The following ITGA4 variants were observed in gnomAD, a reference collection of about 807,000 sequenced individuals.
ITGA4 encodes integrin subunit alpha 4, also known as integrin alpha-4.
ITGA4 carries 63 observed loss-of-function variants against 133.6 expected under a neutral mutation model. The observed-to-expected ratio is 0.47, with a 90% CI of 0.38 to 0.58. The LOEUF is 0.58. Ranked by LOEUF, ITGA4 falls within the 20% of genes least tolerant of loss-of-function variation. The pLI is 0.00. For synonymous variants in ITGA4, 483 were observed against 438.0 expected (o/e 1.10, Z -1.28); for missense variants, 1,076 against 1,252.7 (o/e 0.86, Z 2.13).
intron 22 of ITGA4, chr2:181,527,589 C>G (rs1013546704): frequency 2.0e-6 from 1 of 491,180 alleles, no homozygotes; most frequent in Non-Finnish European, 3.7e-6. Context: ...GATATTCAAG[C>G]CCATATTTCC....
In ITGA4 at chr2:181,538,936, T is replaced by G. The variant is rs1421464481; in HGVS notation, c.*3409T>G. ...AAATGTAAAGTTGCTTTTTATTTAT[T>G]GAAATTTGTGCATGTCTCTTTATGC... is the stretch of plus-strand genomic sequence containing the variant. On this transcript the variant is annotated 3_prime_UTR_variant, in exon 28 of 28. Transcript: ENST00000397033. Among the ~76,000 whole-genome samples, 2 of 152,210 alleles carry G rather than the reference T, an allele frequency of 1.3e-5. No homozygotes were observed. The highest frequency in any genetic ancestry group is 2.9e-5 in the Non-Finnish European group (2 of 68,032).
chr2:181,485,832 G>C, intron 9 of ITGA4, 49 bp from the exon 10 acceptor site: 1 of 1,451,730 alleles, frequency 6.9e-7, no homozygotes, highest in African/African-American at 1.4e-5. Flanking sequence ...ATCGTGTAAA[G>C]TTGTCAGGGA....
Position 181,523,243 on chromosome 2 carries a change from C to T in ITGA4, c.2074-194C>T, listed in dbSNP as rs1686757740. On this transcript the variant is annotated intron_variant, in intron 18 of 27. Transcript: ENST00000397033. This position sits in a 1 kb window ranked among gnomAD's most constrained non-coding sequence, Gnocchi z 4.2. ...ACATATATACATACATATATATACA[C>T]ATACATATATACACACATGCACACA... 6.3e-6 allele frequency: 3 copies of T among 473,646 alleles called. No homozygotes were observed. The highest frequency in any genetic ancestry group is 1.2e-5 in the Non-Finnish European group (3 of 259,648). The allele number at this position is 473,646 out of a possible 1,614,324, so 29.3% of individuals were successfully genotyped here. A position where few individuals can be genotyped will look rare whatever the true frequency, so the allele number is the denominator to read the frequency against.
At position 181,457,684 on chromosome 2, in the gene ITGA4, C is replaced by A. The variant is rs1047297; in HGVS notation, c.30C>A (p.Gly10=). MAWEARREP[G]PRRAAVRETV... ...CTTGGGAAGCGAGGCGCGAACCCGG[C>A]CCCCGAAGGGCCGCCGTCCGGGAGA... is the stretch of plus-strand genomic sequence containing the variant. Residue 10 remains glycine, a synonymous_variant, in exon 1 of 28, where the codon GGC becomes GGA. Coordinates refer to ENST00000397033, the MANE Select transcript of ITGA4 (RefSeq NM_000885.6). The A allele has an allele frequency of 1.9e-6, 3 of 1,610,966 alleles. No individual in the cohort carries two copies. The highest frequency in any genetic ancestry group is 1.1e-5 in the South Asian group (1 of 90,730).
chr2:181,498,808 T>C lies in ITGA4; in HGVS notation c.1695+31T>C. 13 of 1,561,064 alleles carry C rather than the reference T, an allele frequency of 8.3e-6. 1 individual carries two copies. Among genetic ancestry groups the C allele is most frequent in the South Asian group, 2.5e-5 (2 of 81,568 alleles). ...GTAAGCTATTTTTTATTAATGAATA[T>C]GTGAACTTCAACGTTGTTGATAGAG... On this transcript the variant is annotated intron_variant, in intron 15 of 27. Transcript: ENST00000397033.
In ITGA4 at chr2:181,529,584, A is replaced by C. The variant is rs1686900016; in HGVS notation, c.2474A>C (p.Glu825Ala). 1.2e-6 allele frequency: 2 copies of C among 1,611,102 alleles called. No individual in the cohort carries two copies. Among genetic ancestry groups the C allele is most frequent in the Non-Finnish European group, 1.7e-6 (2 of 1,177,632 alleles). The change falls in exon 23 of 28, where the codon GAA becomes GCA. Residue 825 changes from glutamate (E) to alanine (A), a missense_variant. Around this residue, in one of 4 missense-constraint regions of ITGA4, gnomAD observed 365 missense variants for 421.4 expected, o/e 0.87. Transcript: ENST00000397033. ...AGTATGGCTCCCAATGTTAGTGTGG[A>C]AATAATGGTACCAAATTCTTTTAGC... ...GNSMAPNVSV[E>A]IMVPNSFSPQ...
chr2:181,524,250 G>C lies in ITGA4; in HGVS notation c.2249G>C (p.Cys750Ser). 1 of 1,530,326 alleles carries C rather than the reference G, an allele frequency of 6.5e-7. No homozygotes were observed. Among genetic ancestry groups the C allele is most frequent in the Non-Finnish European group, 8.9e-7 (1 of 1,125,386 alleles). The allele number at this position is 1,530,326 out of a possible 1,614,324, so 94.8% of individuals were successfully genotyped here. A position where few individuals can be genotyped will look rare whatever the true frequency, so the allele number is the denominator to read the frequency against. Reference sequence around the variant, plus strand: ...CTCAGTATCACAGTGCATGCTACCTGGTATAATTTATTGTTAATAAAATGA... The same window carrying C: ...CTCAGTATCACAGTGCATGCTACCTCGTATAATTTATTGTTAATAAAATGA... ...EDLSITVHAT[C>S]ENEEEMDNLK... is the part of the protein sequence containing the mutation. Residue 750 changes from cysteine to serine, a missense_variant and splice_region_variant, in exon 20 of 28, where the codon TGT becomes TCT. Cys to Ser is a moderately radical substitution (Grantham distance 112). Around this residue, in one of 4 missense-constraint regions of ITGA4, gnomAD observed 365 missense variants for 421.4 expected, o/e 0.87. Transcript: ENST00000397033.
chr2:181,490,710 TTATACC>T (rs1430084599), intron 10 of ITGA4, among the ~76,000 whole-genome samples: 1 of 152,156 alleles, frequency 6.6e-6, no homozygotes, highest in African/African-American at 2.4e-5. Flanking sequence ...CTTGAGCAGG[TTATACC>T]TTGTGCCTCA....
intron 15 of ITGA4, among the ~76,000 whole-genome samples, chr2:181,502,089 A>G (rs1686285434): frequency 6.6e-6 from 1 of 152,034 alleles, no homozygotes; most frequent in African/African-American, 2.4e-5. Flanking sequence ...GCATCCTGGA[A>G]GTGAAGTGAA....
chr2:181,509,576 G>A lies in ITGA4; in HGVS notation c.1696-82G>A, dbSNP rs1213642193. On this transcript the variant is annotated intron_variant, in intron 15 of 27. Transcript: ENST00000397033. ...CTTTGTCTTCCATGTATAGTGTTTG[G>A]CCCTTTTCAGGAAAGGAGTTTTATT... 5 of 1,036,004 alleles carry A rather than the reference G, an allele frequency of 4.8e-6. No homozygotes were observed. The African/African-American group carries it at 8.2e-5, about 17-fold the overall frequency. The allele number at this position is 1,036,004 out of a possible 1,614,324, so 64.2% of individuals were successfully genotyped here. A position where few individuals can be genotyped will look rare whatever the true frequency, so the allele number is the denominator to read the frequency against.
At position 181,535,570 on chromosome 2, in the gene ITGA4, GTAGTAAAGAAA is replaced by G. The variant is rs753981107; in HGVS notation, c.*45_*55del. The G allele has an allele frequency of 7.1e-6, 11 of 1,543,608 alleles. No homozygotes were observed. Among genetic ancestry groups the G allele is most frequent in the Non-Finnish European group, 9.6e-6 (11 of 1,148,996 alleles). Reference sequence around the variant, plus strand: ...AGAGAATGGAAAACAGACTCAGGTTGTAGTAAAGAAATTTAAAAGACACTGTTTACAAGAAA... The same window carrying G: ...AGAGAATGGAAAACAGACTCAGGTTGTTTAAAAGACACTGTTTACAAGAAA... On this transcript the variant is annotated 3_prime_UTR_variant, in exon 28 of 28. Transcript: ENST00000397033.
intron 9 of ITGA4, 42 bp downstream of exon 9, chr2:181,482,693 T>G (rs1239902622): frequency 1.3e-6 from 2 of 1,583,346 alleles, no homozygotes; most frequent in African/African-American, 2.7e-5. Context: ...TATGGAATTA[T>G]GATCAAAACT....
chr2:181,537,665 C>CAGAATTATCTAGGTTAAA lies in ITGA4; in HGVS notation c.*2139_*2156dup, dbSNP rs1196324805. On this transcript the variant is annotated 3_prime_UTR_variant, in exon 28 of 28. Coordinates refer to ENST00000397033, the MANE Select transcript of ITGA4 (RefSeq NM_000885.6). ...AAAAATGAAAGAATCCAAATTATTT[C>CAGAATTATCTAGGTTAAA]AGAATTATCTAGGTTAAATATTGAT... The CAGAATTATCTAGGTTAAA allele has an allele frequency of 2.3e-6, 1 of 434,296 alleles. No individual in the cohort carries two copies. Among genetic ancestry groups the CAGAATTATCTAGGTTAAA allele is most frequent in the Non-Finnish European group, 4.5e-6 (1 of 219,990 alleles). 26.9% of individuals were successfully genotyped at this position (434,296 alleles called of 1,614,324 possible).
rs1396564184 is a variant in ITGA4, at chr2:181,535,033, T to TTTAATATTTTA, written c.3003+99_3003+100insTAATATTTTAT. The TTTAATATTTTA allele has an allele frequency of 3.5e-5, 47 of 1,350,518 alleles. No individual in the cohort carries two copies. In the African/African-American group the frequency reaches 5.2e-4, roughly 15 times the overall value. 83.7% of individuals were successfully genotyped at this position (1,350,518 alleles called of 1,614,324 possible). On this transcript the variant is annotated intron_variant, in intron 27 of 27. Coordinates refer to ENST00000397033, the MANE Select transcript of ITGA4 (RefSeq NM_000885.6). Reference sequence around the variant, plus strand: ...TTATTAGATTTAAATATTTCACTATTTGAATGTTAACTTTTTATGTTGCTC... The same window carrying TTTAATATTTTA: ...TTATTAGATTTAAATATTTCACTATTTTAATATTTTATGAATGTTAACTTTTTATGTTGCTC...
chr2:181,521,164 A>T (rs1200344455), intron 17 of ITGA4, among the ~76,000 whole-genome samples: 4 of 151,970 alleles, frequency 2.6e-5, no homozygotes, highest in Non-Finnish European at 4.4e-5. Flanking sequence ...CTTTTAACTA[A>T]TTTTTCTGAA....
intron 17 of ITGA4, among the ~76,000 whole-genome samples, chr2:181,515,864 C>T (rs1686594142): frequency 6.6e-6 from 1 of 152,096 alleles, no homozygotes; most frequent in Non-Finnish European, 1.5e-5. Context: ...TATAACTCTG[C>T]TGGCACTAAT....
chr2:181,489,009 A>G (rs916124649), intron 10 of ITGA4, among the ~76,000 whole-genome samples: 3 of 152,196 alleles, frequency 2.0e-5, no homozygotes, highest in African/African-American at 7.2e-5. Context: ...GTCTGCCTGC[A>G]TGAGGCAGCA....
chr2:181,486,309 G>C (rs1192539534), intron 10 of ITGA4: 4 of 212,930 alleles, frequency 1.9e-5, no homozygotes, highest in Non-Finnish European at 3.7e-5. Context: ...CCATTTTTCT[G>C]TTAAGGAAGA....
intron 25 of ITGA4, among the ~76,000 whole-genome samples, chr2:181,533,304 G>C (rs1215697888): frequency 1.3e-5 from 2 of 152,170 alleles, no homozygotes; most frequent in Non-Finnish European, 1.5e-5. Flanking sequence ...GTGCTTAAGA[G>C]GAAGATACAC....
Sources: gnomAD v4.1 joint callset for allele counts (sites outside exome capture counted in the v4.1 genomes callset) on GRCh38, gnomAD v4.1.1 for gene constraint, gnomAD v4.1.1 regional missense constraint, Gnocchi (gnomAD v3.1) non-coding constraint, MANE v1.5 for transcripts, NCBI Gene and HGNC (gene_info 2026-07-23, HGNC 2026-07-21) for gene names.